Variants in RELB observed in about 807,000 individuals in gnomAD.
RELB encodes the protein RELB proto-oncogene, NF-kB subunit.
Under a neutral mutation model 55.4 loss-of-function variants are expected in RELB, and 14 were observed. The observed-to-expected ratio is 0.25, with a 90% confidence interval of 0.17 to 0.40. The LOEUF is 0.40. Ranked by LOEUF, RELB falls within the 10% of genes least tolerant of loss-of-function variation. The pLI is 1.00. For missense variants in RELB, 669 were observed against 830.7 expected, an observed-to-expected ratio of 0.81 and a Z score of 2.39; for synonymous variants, 409 against 371.3, an observed-to-expected ratio of 1.10 and a Z score of -1.17.
chr19:45,019,203 CA>C (rs1325205167), intron 4 of RELB, among the ~76,000 whole-genome samples: 5 of 152,064 alleles, frequency 3.3e-5, no homozygotes, highest in Non-Finnish European at 5.9e-5. Context: ...CCTGGGACTA[CA>C]GGTGCATTCC....
rs758350813 is a variant in RELB at position 45,022,199 on chromosome 19, C to T, written c.651C>T (p.Ser217=). Residue 217 remains serine (S), a synonymous_variant, in exon 5 of 12, where the codon AGC becomes AGT. Coordinates refer to ENST00000221452, the MANE Select transcript of RELB (RefSeq NM_006509.4). ...ICRVRLRPHV[S]PRHSFNNLGI... is the part of the protein sequence containing the mutation. ...GGGTGCGGCTCCGGCCTCACGTCAG[C>T]CCCCGGCACAGGTACCCACCCCCTG... 45 of 1,599,992 alleles carry T rather than the reference C, an allele frequency of 2.8e-5. No homozygotes were observed. The highest frequency in any genetic ancestry group is 3.5e-5 in the Non-Finnish European group (41 of 1,175,564).
At chr19:45,014,510 T>C (rs915433122) in intron 4 of RELB, among the ~76,000 whole-genome samples, 1 of 103,550 alleles carries the variant, frequency 9.7e-6, no homozygotes, top group Non-Finnish European at 2.0e-5. Flanking sequence ...TGGCTCAGAG[T>C]TTTTTTTTGT....
At chr19:45,015,588 A>G (rs1032203233) in intron 4 of RELB, among the ~76,000 whole-genome samples, 34 of 151,932 alleles carry the variant, frequency 2.2e-4, no homozygotes, top group African/African-American at 8.2e-4. Flanking sequence ...TAAAAAAATT[A>G]GCCAGGCGTG....
intron 2 of RELB, among the ~76,000 whole-genome samples, chr19:45,004,202 G>A (rs1207694924): frequency 1.3e-5 from 2 of 150,140 alleles, no homozygotes; most frequent in Non-Finnish European, 3.0e-5. Flanking sequence ...ACAGGTGTGA[G>A]CCACCTCGCC....
chr19:45,002,496 G>C (rs1971225893), intron 1 of RELB, among the ~76,000 whole-genome samples: 1 of 152,154 alleles, frequency 6.6e-6, no homozygotes, highest in South Asian at 2.1e-4. Flanking sequence ...GGAATTACAG[G>C]TGCCCGCCAC....
intron 8 of RELB, among the ~76,000 whole-genome samples, chr19:45,031,367 T>TTA (rs1426795455): frequency 1.3e-5 from 2 of 152,124 alleles, no homozygotes; most frequent in Non-Finnish European, 2.9e-5. Context: ...TCAAGTGATC[T>TTA]GCCAGCTTTA....
chr19:45,008,508 G>A (rs976496529), intron 2 of RELB: 51 of 456,140 alleles, frequency 1.1e-4, no homozygotes, highest in Non-Finnish European at 2.0e-4. Flanking sequence ...CAAGTGACTT[G>A]AGGTTGGCCC....
intron 4 of RELB, among the ~76,000 whole-genome samples, chr19:45,017,973 T>C (rs1971440409): frequency 1.3e-5 from 2 of 150,046 alleles, no homozygotes; most frequent in Non-Finnish European, 3.0e-5. Context: ...GATAAAAGAA[T>C]TTAAACCTAG....
intron 5 of RELB, among the ~76,000 whole-genome samples, chr19:45,022,878 A>G (rs567161636): frequency 1.3e-5 from 2 of 152,238 alleles, no homozygotes; most frequent in East Asian, 3.9e-4. Context: ...GAAGCACTGT[A>G]TAACTTTTAT....
intron 7 of RELB, among the ~76,000 whole-genome samples, chr19:45,027,096 C>T (rs761670736): frequency 2.6e-5 from 4 of 151,596 alleles, no homozygotes; most frequent in Admixed American, 6.6e-5. Flanking sequence ...AGCCGGGCGT[C>T]GTGGCGGGCG....
At chr19:45,009,662 C>T (rs1298212320) in intron 2 of RELB, 152 bp from the exon 3 acceptor site, 2 of 775,096 alleles carry the variant, frequency 2.6e-6, no homozygotes, top group Admixed American at 2.4e-5. Flanking sequence ...GGGTTTAGTG[C>T]CCCAGCAAGT....
intron 4 of RELB, among the ~76,000 whole-genome samples, chr19:45,018,259 C>T (rs1037706021): frequency 2.0e-5 from 3 of 152,088 alleles, no homozygotes; most frequent in Admixed American, 1.3e-4. Context: ...AAAAAATTAG[C>T]CAGGTGTGGT....
chr19:45,025,307 C>A, intron 5 of RELB, 22 bp from the exon 6 acceptor site: 1 of 1,575,392 alleles, frequency 6.3e-7, no homozygotes. Flanking sequence ...GCACTCCTCT[C>A]CCTCCCCCGT....
At chr19:45,037,331 G>A in intron 11 of RELB, 74 bp from the exon 12 acceptor site, 1 of 1,420,032 alleles carries the variant, frequency 7.0e-7, no homozygotes, top group South Asian at 1.4e-5. Flanking sequence ...GCAGGGAGTA[G>A]GGCATTTGAT....
At chr19:45,009,166 T>C (rs1971319009) in intron 2 of RELB, among the ~76,000 whole-genome samples, 1 of 152,146 alleles carries the variant, frequency 6.6e-6, no homozygotes, top group Non-Finnish European at 1.5e-5. Flanking sequence ...CTGCAACCTC[T>C]GCCTCCTGAG....
chr19:45,006,086 A>G (rs1362648144), intron 2 of RELB, among the ~76,000 whole-genome samples: 2 of 152,254 alleles, frequency 1.3e-5, no homozygotes, highest in East Asian at 3.8e-4. Flanking sequence ...AGACACGTAA[A>G]CAATAAGTTA....
intron 4 of RELB, among the ~76,000 whole-genome samples, chr19:45,021,391 G>A (rs1048418067): frequency 4.0e-5 from 6 of 149,098 alleles, no homozygotes; most frequent in Admixed American, 1.4e-4. Flanking sequence ...GGAGAATGGC[G>A]TGAACCCGCA....
At chr19:45,012,597 A>G (rs1971375575) in intron 4 of RELB, among the ~76,000 whole-genome samples, 1 of 151,934 alleles carries the variant, frequency 6.6e-6, no homozygotes, top group African/African-American at 2.4e-5. Flanking sequence ...TACACAAATT[A>G]GCCGAGTGTG....
rs761020541 is a variant in RELB at position 45,032,674 on chromosome 19, A to G, written c.1132A>G (p.Asn378Asp). 3 of 1,611,736 alleles carry G rather than the reference A, an allele frequency of 1.9e-6. No individual in the cohort carries two copies. The highest frequency in any genetic ancestry group is 3.3e-4 in the Middle Eastern group (2 of 6,058). The part of the protein sequence containing the change: ...DLEIVEPVTV[N>D]VFLQRLTDGV... ...GGAGATTGTCGAGCCCGTGACAGTC[A>G]ACGTCTTCCTGCAGCGGCTCACCGA... Residue 378 changes from asparagine to aspartate, a missense_variant, in exon 9 of 12, where the codon AAC (asparagine) becomes GAC (aspartate). Asn to Asp is a conservative substitution (Grantham distance 23, BLOSUM62 1). Transcript: ENST00000221452.
Sources: gnomAD v4.1 joint callset for allele counts (sites outside exome capture counted in the v4.1 genomes callset) on GRCh38, gnomAD v4.1.1 for gene constraint, MANE v1.5 for transcripts, NCBI Gene and HGNC (gene_info 2026-07-23, HGNC 2026-07-21) for gene names.